FABP3: variants seen among roughly 807,000 people sequenced by gnomAD.
FABP3 encodes the protein fatty acid binding protein 3, also known as fatty acid-binding protein, heart.
In FABP3, 8 loss-of-function variants were observed where a neutral mutation model predicts 13.4. The observed-to-expected ratio is 0.60, with a 90% confidence interval of 0.35 to 1.07. FABP3 has a LOEUF of 1.07. FABP3 is among the 50% of genes least tolerant of loss of function. The pLI, the probability that FABP3 is intolerant of heterozygous loss-of-function variation, is 0.02. For synonymous variants in FABP3, 64 were observed against 60.0 expected (o/e 1.07, Z -0.31); for missense variants, 135 against 164.7 (o/e 0.82, Z 0.99).
chr1:31,369,181 G>T, intron 2 of FABP3: 1 of 581,448 alleles, frequency 1.7e-6, no homozygotes, highest in East Asian at 2.7e-5. Flanking sequence ...AAGAAGGGAG[G>T]GAAGAAAACA....
chr1:31,365,878 C>T lies in FABP3; in HGVS notation c.*8G>A. ...GGCAGAGTAGTAGTCAGCAACAGTG[C>T]AGTCAGGTCATGCCTCTTTCTCATA... On this transcript the variant is annotated 3_prime_UTR_variant, in exon 4 of 4. Transcript: ENST00000373713. 1 of 1,613,734 alleles carries T rather than the reference C, an allele frequency of 6.2e-7. No individual in the cohort carries two copies. The highest frequency in any genetic ancestry group is 8.5e-7 in the Non-Finnish European group (1 of 1,179,730).
rs957482855 is a variant in FABP3, at chr1:31,365,849, G to A, written c.*37C>T. ...TGTGGTGCTGAGTCGAGGGGTAGCC[G>A]ATTGGCAGAGTAGTAGTCAGCAACA... On this transcript the variant is annotated 3_prime_UTR_variant, in exon 4 of 4. Coordinates refer to ENST00000373713, the MANE Select transcript of FABP3 (RefSeq NM_004102.5). 3.8e-6 allele frequency: 6 copies of A among 1,599,632 alleles called. No individual in the cohort carries two copies. Among genetic ancestry groups the A allele is most frequent in the Non-Finnish European group, 5.1e-6 (6 of 1,167,050 alleles).
chr1:31,360,331 AGCTAATTTT>A (rs1453380263), downstream of FABP3, among the ~76,000 whole-genome samples: 1 of 151,832 alleles, frequency 6.6e-6, no homozygotes, highest in East Asian at 1.9e-4. Flanking sequence ...CACCACGCCC[AGCTAATTTT>A]GTATTTTTAG....
At chr1:31,364,465 G>A, downstream of FABP3, 1 of 501,734 alleles carries the variant, frequency 2.0e-6, no homozygotes, top group South Asian at 3.8e-5. Flanking sequence ...CCTTCATTCA[G>A]CAGGAGGTCC....
chr1:31,367,331 G>A, intron 3 of FABP3, 62 bp downstream of exon 3: 1 of 1,385,144 alleles, frequency 7.2e-7, no homozygotes, highest in Admixed American at 1.7e-5. Flanking sequence ...TTTAGAACAG[G>A]CTTGGCTGAA....
downstream of FABP3, among the ~76,000 whole-genome samples, chr1:31,362,249 T>C (rs1186194693): frequency 6.6e-6 from 1 of 152,218 alleles, no homozygotes; most frequent in Non-Finnish European, 1.5e-5. Context: ...TGCTTCAGTG[T>C]TCTTTCCACC....
At chr1:31,361,443 T>C (rs997790875), downstream of FABP3, among the ~76,000 whole-genome samples, 4 of 152,230 alleles carry the variant, frequency 2.6e-5, no homozygotes, top group Admixed American at 2.0e-4. Context: ...TAGGTACTTA[T>C]TATTTCCAGT....
chr1:31,372,855 G>C (rs1640232123), intron 1 of FABP3, 87 bp downstream of exon 1: 1 of 1,300,034 alleles, frequency 7.7e-7, no homozygotes, highest in Non-Finnish European at 1.1e-6. Flanking sequence ...TCTTAACCAG[G>C]AGGGATGCGG....
In FABP3 at chr1:31,372,927, C is replaced by CCGCGGCT. The variant is rs1197083571; in HGVS notation, c.73+8_73+14dup. On this transcript the variant is annotated intron_variant, in intron 1 of 3. Coordinates refer to ENST00000373713, the MANE Select transcript of FABP3 (RefSeq NM_004102.5). ...AGTCCCCAAGCCAACATCCTGAGCC[C>CCGCGGCT]CGCGGCTTGCTCACCGAGTGACTTC... 1 of 1,612,058 alleles carries CCGCGGCT rather than the reference C, an allele frequency of 6.2e-7. No individual in the cohort carries two copies. Among genetic ancestry groups the CCGCGGCT allele is most frequent in the Admixed American group, 1.7e-5 (1 of 60,024 alleles).
intron 1 of FABP3, among the ~76,000 whole-genome samples, chr1:31,371,038 C>T (rs186957308): frequency 7.7e-4 from 117 of 152,358 alleles, no homozygotes; most frequent in African/African-American, 2.7e-3. Context: ...ATTTGAACCT[C>T]GGCTCCAAAA....
intron 3 of FABP3, among the ~76,000 whole-genome samples, chr1:31,366,392 C>A (rs1640113765): frequency 6.6e-6 from 1 of 152,176 alleles, no homozygotes; most frequent in Admixed American, 6.5e-5. Flanking sequence ...AGGGCCAGAG[C>A]CCTGTACCTC....
chr1:31,364,122 A>T, downstream of FABP3: 1 of 1,613,964 alleles, frequency 6.2e-7, no homozygotes, highest in Non-Finnish European at 8.5e-7. Context: ...GGCAAGGCAC[A>T]CATCAAAAGA....
downstream of FABP3, chr1:31,364,859 A>G (rs1389221486): frequency 6.6e-6 from 1 of 152,272 alleles, no homozygotes; most frequent in Non-Finnish European, 1.5e-5. Flanking sequence ...TGTATTTACT[A>G]CTGTGTGAAT....
intron 1 of FABP3, among the ~76,000 whole-genome samples, chr1:31,372,680 C>T (rs1640228098): frequency 1.3e-5 from 2 of 152,128 alleles, no homozygotes; most frequent in South Asian, 4.1e-4. Context: ...CTCCTACCTC[C>T]AAATCACATA....
rs1239195236 is a variant in FABP3, at chr1:31,365,877, G to C, written c.*9C>G. 2 of 1,613,640 alleles carry C rather than the reference G, an allele frequency of 1.2e-6. No homozygotes were observed. The highest frequency in any genetic ancestry group is 1.7e-6 in the Non-Finnish European group (2 of 1,179,628). On this transcript the variant is annotated 3_prime_UTR_variant, in exon 4 of 4. Coordinates refer to ENST00000373713, the MANE Select transcript of FABP3 (RefSeq NM_004102.5). Reference sequence around the variant, plus strand: ...TGGCAGAGTAGTAGTCAGCAACAGTGCAGTCAGGTCATGCCTCTTTCTCAT... The same window carrying C: ...TGGCAGAGTAGTAGTCAGCAACAGTCCAGTCAGGTCATGCCTCTTTCTCAT...
At chr1:31,369,327 C>T in intron 2 of FABP3, 58 bp downstream of exon 2, 1 of 1,569,178 alleles carries the variant, frequency 6.4e-7, no homozygotes, top group Non-Finnish European at 8.7e-7. Flanking sequence ...GACTACCAGC[C>T]TATTCTCTTT....
intron 3 of FABP3, 146 bp downstream of exon 3, chr1:31,367,247 C>G (rs1640129471): frequency 1.4e-6 from 1 of 725,470 alleles, no homozygotes; most frequent in Non-Finnish European, 2.5e-6. Flanking sequence ...CAGAAAATTC[C>G]CACCTGATAC....
chr1:31,371,300 C>T (rs1640204063), intron 1 of FABP3, among the ~76,000 whole-genome samples: 1 of 152,194 alleles, frequency 6.6e-6, no homozygotes, highest in African/African-American at 2.4e-5. Context: ...CAGAGCAGGA[C>T]CTTGTCACGG....
At chr1:31,368,858 T>C (rs1380218534) in intron 2 of FABP3, among the ~76,000 whole-genome samples, 2 of 152,252 alleles carry the variant, frequency 1.3e-5, no homozygotes, top group Non-Finnish European at 2.9e-5. Context: ...GTCAGGGTCA[T>C]TGGCCATGTC....
Sources: gnomAD v4.1 joint callset for allele counts (sites outside exome capture counted in the v4.1 genomes callset) on GRCh38, gnomAD v4.1.1 for gene constraint, MANE v1.5 for transcripts, NCBI Gene and HGNC (gene_info 2026-07-23, HGNC 2026-07-21) for gene names.